Variants in GYS2 observed in about 807,000 individuals in gnomAD.
The protein encoded by GYS2 is glycogen [starch] synthase, liver.
A neutral mutation model predicts 85.6 loss-of-function variants in GYS2; 80 were observed. The observed-to-expected ratio is 0.93, with a 90% CI of 0.78 to 1.13. The LOEUF (loss-of-function observed/expected upper bound fraction) is 1.13. GYS2 is among the 50% of genes most tolerant of loss of function. The pLI is 0.00. For synonymous variants in GYS2, 328 were observed against 300.7 expected (o/e 1.09, Z -0.94); for missense variants, 881 against 854.9 (o/e 1.03, Z -0.38).
chr12:21,574,444 C>T (rs769033768), intron 3 of GYS2, 118 bp from the exon 4 acceptor site: 28 of 741,316 alleles, frequency 3.8e-5, no homozygotes, highest in Non-Finnish European at 4.7e-5. Context: ...TTAAAGGAGT[C>T]GAAACATAAA....
chr12:21,587,791 A>G (rs1352003530), intron 1 of GYS2, among the ~76,000 whole-genome samples: 1 of 152,158 alleles, frequency 6.6e-6, no homozygotes, highest in Admixed American at 6.5e-5. Context: ...ATATCACTTA[A>G]TGGGGTAATT....
chr12:21,587,450 C>T (rs545860996), intron 1 of GYS2, among the ~76,000 whole-genome samples: 2 of 152,150 alleles, frequency 1.3e-5, no homozygotes, highest in African/African-American at 4.8e-5. Flanking sequence ...CTCTCATGCT[C>T]TTCTCGTGAT....
At chr12:21,557,725 C>G (rs1944198261) in intron 11 of GYS2, among the ~76,000 whole-genome samples, 1 of 152,052 alleles carries the variant, frequency 6.6e-6, no homozygotes, top group Non-Finnish European at 1.5e-5. Flanking sequence ...TGGTGAAACC[C>G]CGTCTCTACT....
intron 11 of GYS2, among the ~76,000 whole-genome samples, chr12:21,554,611 T>C (rs1187304283): frequency 6.6e-6 from 1 of 152,154 alleles, no homozygotes; most frequent in Non-Finnish European, 1.5e-5. Flanking sequence ...ATAGCAGATA[T>C]AAAGTGTCTC....
chr12:21,585,097 G>A (rs543787784), intron 1 of GYS2, among the ~76,000 whole-genome samples: 10 of 152,150 alleles, frequency 6.6e-5, no homozygotes, highest in African/African-American at 2.2e-4. Flanking sequence ...AGGATTCACG[G>A]GTCCAGGAAT....
Position 21,558,177 on chromosome 12 carries a change from G to C in GYS2, c.1422+23C>G, listed in dbSNP as rs7977474. 0.77 allele frequency: 1,023,349 copies of C among 1,321,506 alleles called. 398,444 individuals are homozygous for C. The highest frequency in any genetic ancestry group is 0.79 in the South Asian group (67,348 of 85,066). The allele number at this position is 1,321,506 out of a possible 1,614,324, so 81.9% of individuals were successfully genotyped here. A position where few individuals can be genotyped will look rare whatever the true frequency, so the allele number is the denominator to read the frequency against. On this transcript the variant is annotated intron_variant, in intron 11 of 15. Coordinates refer to ENST00000261195, the MANE Select transcript of GYS2 (RefSeq NM_021957.4). ...TATATTTTAAGTAAGTTTAAAGTTC[G>C]CCACATGAACAATTTGTTCTACCTT...
intron 5 of GYS2, among the ~76,000 whole-genome samples, chr12:21,565,231 G>GGAAAAAGAGA (rs1396734860): frequency 6.6e-6 from 1 of 150,890 alleles, no homozygotes; most frequent in Non-Finnish European, 1.5e-5. Flanking sequence ...GAGTACTCCA[G>GGAAAAAGAGA]GAAAAAGAGA....
At chr12:21,562,200 C>T (rs1050115011) in intron 7 of GYS2, among the ~76,000 whole-genome samples, 3 of 152,146 alleles carry the variant, frequency 2.0e-5, no homozygotes, top group Non-Finnish European at 4.4e-5. Context: ...TAAGAACCTT[C>T]TTTTTCCTCC....
At chr12:21,553,796 AAC>A (rs3061568) in intron 11 of GYS2, among the ~76,000 whole-genome samples, 5,168 of 151,410 alleles carry the variant, frequency 0.034, 284 homozygotes, top group African/African-American at 0.11. Flanking sequence ...ACACACATAT[AAC>A]ACACACACAC....
chr12:21,580,559 G>A (rs896531625), intron 1 of GYS2, 36 bp from the exon 2 acceptor site: 2 of 1,523,120 alleles, frequency 1.3e-6, no homozygotes, highest in Non-Finnish European at 1.8e-6. Flanking sequence ...TATCATTCAG[G>A]TTAGCAATTT....
Position 21,539,350 on chromosome 12 carries a change from A to C in GYS2, c.1810-12T>G. The C allele has an allele frequency of 6.7e-7, 1 of 1,501,490 alleles. No individual in the cohort carries two copies. The allele number at this position is 1,501,490 out of a possible 1,614,324, so 93.0% of individuals were successfully genotyped here. A position where few individuals can be genotyped will look rare whatever the true frequency, so the allele number is the denominator to read the frequency against. On this transcript the variant is annotated splice_polypyrimidine_tract_variant and intron_variant, in intron 14 of 15. Coordinates refer to ENST00000261195, the MANE Select transcript of GYS2 (RefSeq NM_021957.4). ...GCATGCTGGTAATACTATTGATAGA[A>C]AGCCAAATCACAGGTTAATAAAAAC...
intron 5 of GYS2, among the ~76,000 whole-genome samples, chr12:21,565,975 T>G (rs1340394036): frequency 1.3e-5 from 2 of 152,184 alleles, no homozygotes; most frequent in African/African-American, 4.8e-5. Flanking sequence ...ATGACAAATT[T>G]TTTTAAAGCA....
intron 1 of GYS2, among the ~76,000 whole-genome samples, chr12:21,586,460 T>TATCTATC (rs1555159872): frequency 4.0e-5 from 6 of 151,274 alleles, no homozygotes; most frequent in African/African-American, 1.5e-4. Context: ...TCTATCTATC[T>TATCTATC]ATCTCCTATT....
At chr12:21,548,657 G>A (rs911859927) in intron 11 of GYS2, among the ~76,000 whole-genome samples, 21 of 152,034 alleles carry the variant, frequency 1.4e-4, no homozygotes, top group African/African-American at 4.3e-4. Flanking sequence ...CACTGGAAAC[G>A]CAGAAACAAG....
At chr12:21,594,050 T>A (rs1944668791) in intron 1 of GYS2, among the ~76,000 whole-genome samples, 1 of 152,144 alleles carries the variant, frequency 6.6e-6, no homozygotes, top group Non-Finnish European at 1.5e-5. Flanking sequence ...AAATTTAACA[T>A]TCCTTCATGA....
In GYS2 at chr12:21,575,922, G is replaced by T. The variant is rs748996941; in HGVS notation, c.439C>A (p.Arg147=). Residue 147 remains arginine (R), a synonymous_variant, in exon 3 of 16, where the codon CGA becomes AGA. Coordinates refer to ENST00000261195, the MANE Select transcript of GYS2 (RefSeq NM_021957.4). ...AATATCAGCATATCATTGGCTTCTC[G>T]GTCATGATAAGGAATGCCGACACTG... ...ACSVGIPYHD[R]EANDMLIFGS... is the part of the protein sequence containing the mutation. 6.2e-7 allele frequency: 1 copy of T among 1,613,816 alleles called. No homozygotes were observed. Among genetic ancestry groups the T allele is most frequent in the South Asian group, 1.1e-5 (1 of 91,070 alleles).
chr12:21,545,895 A>C (rs117877480), intron 12 of GYS2, among the ~76,000 whole-genome samples: 1,642 of 152,302 alleles, frequency 0.011, 16 homozygotes, highest in Admixed American at 0.018. Flanking sequence ...TACCCATTAC[A>C]TATTAAATAT....
intron 11 of GYS2, among the ~76,000 whole-genome samples, chr12:21,554,757 G>C (rs547459777): frequency 4.7e-4 from 71 of 152,280 alleles, no homozygotes; most frequent in Non-Finnish European, 7.9e-4. Flanking sequence ...TATTTCAGAA[G>C]AGATGATAAC....
intron 14 of GYS2, among the ~76,000 whole-genome samples, chr12:21,539,873 C>T (rs1244275143): frequency 6.6e-6 from 1 of 152,172 alleles, no homozygotes; most frequent in African/African-American, 2.4e-5. Flanking sequence ...CAGCACTGTG[C>T]AAACAGACAC....
Sources: gnomAD v4.1 joint callset for allele counts (sites outside exome capture counted in the v4.1 genomes callset) on GRCh38, gnomAD v4.1.1 for gene constraint, MANE v1.5 for transcripts, NCBI Gene and HGNC (gene_info 2026-07-23, HGNC 2026-07-21) for gene names.